Variants in ZNF423 observed in about 807,000 individuals in gnomAD.
ZNF423 encodes Ebf-associated zinc finger protein.
ZNF423 carries 12 observed loss-of-function variants against 95.8 expected under a neutral mutation model. The ratio of observed to expected loss-of-function variants is 0.13; its 90% CI spans 0.08 to 0.20. The LOEUF is 0.20. Ranked by LOEUF, ZNF423 falls within the 10% of genes least tolerant of loss-of-function variation. The pLI is 1.00. For missense variants in ZNF423, 1,316 were observed against 1,737.1 expected (o/e 0.76, Z 4.31); for synonymous variants, 749 against 711.9 (o/e 1.05, Z -0.83).
chr16:49,799,317 AGGTTCCTG>A (rs1218358733), intron 1 of ZNF423, among the ~76,000 whole-genome samples: 1 of 152,218 alleles, frequency 6.6e-6, no homozygotes, highest in Non-Finnish European at 1.5e-5. Context: ...TTCTCCCGCC[AGGTTCCTG>A]GCTGGCTGCT....
chr16:49,626,045 T>C (rs1972252552), intron 5 of ZNF423, 125 bp downstream of exon 5: 1 of 890,908 alleles, frequency 1.1e-6, no homozygotes, highest in Non-Finnish European at 1.8e-6. Context: ...CCATGTGCAA[T>C]GTCTCAGAAA....
At chr16:49,680,571 G>A (rs928682119) in intron 3 of ZNF423, among the ~76,000 whole-genome samples, 3 of 152,138 alleles carry the variant, frequency 2.0e-5, no homozygotes, top group African/African-American at 7.2e-5. Context: ...GTGGTTCCTG[G>A]CATCTCCAAG....
Position 49,638,784 on chromosome 16 carries a change from C to T in ZNF423, c.392G>A (p.Cys131Tyr). 1 of 1,614,156 alleles carries T rather than the reference C, an allele frequency of 6.2e-7. No homozygotes were observed. The highest frequency in any genetic ancestry group is 8.5e-7 in the Non-Finnish European group (1 of 1,180,030). Residue 131 changes from cysteine to tyrosine, a missense_variant, in exon 4 of 8, where the codon TGT (cysteine) becomes TAT (tyrosine). Around this residue, in one of 6 missense-constraint regions of ZNF423, gnomAD observed 155 missense variants for 170.8 expected, o/e 0.91. Coordinates refer to ENST00000563137, the MANE Select transcript of ZNF423 (RefSeq NM_001379286.1). This position sits in a 1 kb window ranked among gnomAD's most constrained non-coding sequence, Gnocchi z 5.6. Reference protein sequence around the residue: ...ASPTQMIGDGCDLGLGEEEGG... With the variant: ...ASPTQMIGDGYDLGLGEEEGG... ...TTCCTCCTCGCCGAGGCCGAGGTCA[C>T]AACCATCTCCGATCATCTGCGTGGG...
intron 3 of ZNF423, among the ~76,000 whole-genome samples, chr16:49,677,308 G>GAAGAGAAGAGA (rs1277785805): frequency 3.2e-5 from 3 of 93,520 alleles, no homozygotes; most frequent in African/African-American, 8.3e-5. Flanking sequence ...GAAGAGAAGA[G>GAAGAGAAGAGA]AAAGGAGGGG....
chr16:49,773,341 A>G (rs1274908984), intron 2 of ZNF423, among the ~76,000 whole-genome samples: 1 of 152,002 alleles, frequency 6.6e-6, no homozygotes, highest in Admixed American at 6.6e-5. Flanking sequence ...CAAAAAGCAA[A>G]CAAAAAAAGC....
chr16:49,778,206 T>C (rs774215797), intron 2 of ZNF423, among the ~76,000 whole-genome samples: 5 of 152,266 alleles, frequency 3.3e-5, no homozygotes, highest in East Asian at 1.9e-4. Flanking sequence ...TGTGTGTGTG[T>C]GCGTGTGTGT....
chr16:49,655,078 A>T (rs540623186), intron 3 of ZNF423, among the ~76,000 whole-genome samples: 2 of 152,366 alleles, frequency 1.3e-5, no homozygotes, highest in East Asian at 3.9e-4. Context: ...ATCACAGTAG[A>T]GATATGCAAA....
chr16:49,718,836 C>T (rs2032783589), intron 3 of ZNF423, among the ~76,000 whole-genome samples: 2 of 152,192 alleles, frequency 1.3e-5, no homozygotes, highest in South Asian at 2.1e-4. Flanking sequence ...TCACCTCCTA[C>T]AGGCCCACTG....
At chr16:49,760,304 TG>T in intron 2 of ZNF423, among the ~76,000 whole-genome samples, 1 of 37,672 alleles carries the variant, frequency 2.7e-5, no homozygotes. Flanking sequence ...AATGGATGGA[TG>T]GGTGGATGGG....
At chr16:49,663,857 C>T (rs1278918419) in intron 3 of ZNF423, among the ~76,000 whole-genome samples, 2 of 152,212 alleles carry the variant, frequency 1.3e-5, no homozygotes, top group Non-Finnish European at 2.9e-5. Flanking sequence ...GTCTGACACC[C>T]TGGCCACCAC....
At chr16:49,770,766 C>T (rs1281272338) in intron 2 of ZNF423, among the ~76,000 whole-genome samples, 2 of 152,230 alleles carry the variant, frequency 1.3e-5, no homozygotes, top group African/African-American at 2.4e-5. Flanking sequence ...GGCCCTACTA[C>T]ATCACCCACC....
chr16:49,689,543 A>C (rs973529199), intron 3 of ZNF423, among the ~76,000 whole-genome samples: 1 of 152,132 alleles, frequency 6.6e-6, no homozygotes, highest in Non-Finnish European at 1.5e-5. Context: ...CGTGCCCCAC[A>C]CCTCCGTGAC....
intron 5 of ZNF423, among the ~76,000 whole-genome samples, chr16:49,604,763 CTG>C (rs1455370571): frequency 6.6e-6 from 1 of 152,168 alleles, no homozygotes; most frequent in Non-Finnish European, 1.5e-5. Context: ...TGCTCTGCCC[CTG>C]TGTCTGACCA....
At chr16:49,520,415 A>G (rs1968348931) in intron 7 of ZNF423, among the ~76,000 whole-genome samples, 1 of 152,136 alleles carries the variant, frequency 6.6e-6, no homozygotes, top group African/African-American at 2.4e-5. Context: ...AACCTAAGAA[A>G]ACATTACGTT....
chr16:49,643,508 C>G (rs1363617735), intron 3 of ZNF423, among the ~76,000 whole-genome samples: 1 of 150,652 alleles, frequency 6.6e-6, no homozygotes, highest in East Asian at 2.0e-4. Flanking sequence ...TGAACCCCCC[C>G]TTAGTCCTGT....
intron 3 of ZNF423, among the ~76,000 whole-genome samples, chr16:49,654,453 G>T (rs1172776145): frequency 6.6e-6 from 1 of 152,238 alleles, no homozygotes; most frequent in Non-Finnish European, 1.5e-5. Flanking sequence ...GCAGGGGCAT[G>T]GACAAGGAGC....
At chr16:49,662,957 A>G (rs2030321292) in intron 3 of ZNF423, among the ~76,000 whole-genome samples, 1 of 152,014 alleles carries the variant, frequency 6.6e-6, no homozygotes, top group African/African-American at 2.4e-5. Flanking sequence ...CCAAAATCCA[A>G]CCCCAGCATC....
At chr16:49,593,051 G>T (rs76061086) in intron 5 of ZNF423, among the ~76,000 whole-genome samples, 2 of 152,310 alleles carry the variant, frequency 1.3e-5, no homozygotes, top group East Asian at 3.9e-4. Context: ...TGGATTTGGA[G>T]GAAAGGTTGT....
intron 3 of ZNF423, among the ~76,000 whole-genome samples, chr16:49,640,496 G>A (rs914092827): frequency 5.3e-5 from 8 of 152,130 alleles, no homozygotes; most frequent in South Asian, 4.1e-4. Context: ...GTCCCAGGCC[G>A]ATCCTAAGAC....
Sources: allele counts gnomAD v4.1 joint callset (sites outside exome capture counted in the v4.1 genomes callset), GRCh38; gene constraint gnomAD v4.1.1; regional missense constraint gnomAD v4.1.1; non-coding constraint Gnocchi (gnomAD v3.1); transcripts MANE v1.5; gene names NCBI Gene and HGNC (gene_info 2026-07-23, HGNC 2026-07-21).